The following CNTN3 variants were observed in gnomAD, a reference collection of about 807,000 sequenced individuals.
The protein encoded by CNTN3 is contactin-3.
CNTN3 carries 60 observed loss-of-function variants against 119.1 expected under a neutral mutation model. The observed-to-expected ratio is 0.50, with a 90% confidence interval of 0.41 to 0.62. The LOEUF (loss-of-function observed/expected upper bound fraction) is 0.62. CNTN3 is among the 20% of genes least tolerant of loss of function. CNTN3 has a pLI of 0.00. For synonymous variants in CNTN3, 450 were observed against 438.7 expected (o/e 1.03, Z -0.32); for missense variants, 1,101 against 1,242.4 (o/e 0.89, Z 1.71).
rs188795956 is a variant in CNTN3, at chr3:74,364,732, A to C, written c.1084-136T>G. ...ATTAGACAGGATGGCCTGAAATTTA[A>C]CCTTTTCCTTATTTTAAATGTGAAA... On this transcript the variant is annotated intron_variant, in intron 9 of 22. Coordinates refer to ENST00000263665, the MANE Select transcript of CNTN3 (RefSeq NM_020872.3). 32 of 631,802 alleles carry C rather than the reference A, an allele frequency of 5.1e-5. No individual in the cohort carries two copies. In the African/African-American group the frequency reaches 5.1e-4, roughly 10 times the overall value. The allele number at this position is 631,802 out of a possible 1,614,324, so 39.1% of individuals were successfully genotyped here. A position where few individuals can be genotyped will look rare whatever the true frequency, so the allele number is the denominator to read the frequency against.
intron 1 of CNTN3, among the ~76,000 whole-genome samples, chr3:74,542,059 T>A (rs1234578140): frequency 6.6e-6 from 1 of 151,974 alleles, no homozygotes; most frequent in Non-Finnish European, 1.5e-5. Flanking sequence ...ATAGCAAGAC[T>A]CTGTCTCTGA....
intron 2 of CNTN3, among the ~76,000 whole-genome samples, chr3:74,513,533 G>T (rs1471744042): frequency 2.0e-5 from 3 of 151,868 alleles, no homozygotes; most frequent in South Asian, 2.1e-4. Context: ...CAGTCACAAA[G>T]TTCAGGGAAT....
At chr3:74,559,275 G>C (rs1017234154) in intron 1 of CNTN3, among the ~76,000 whole-genome samples, 2 of 152,104 alleles carry the variant, frequency 1.3e-5, no homozygotes, top group African/African-American at 2.4e-5. Context: ...GCTCCAAAAA[G>C]CTGTGATTCT....
At chr3:74,324,905 C>A (rs747031742) in intron 13 of CNTN3, among the ~76,000 whole-genome samples, 7 of 152,064 alleles carry the variant, frequency 4.6e-5, no homozygotes, top group African/African-American at 7.2e-5. Context: ...GTATATATAT[C>A]GGGAATTTGT....
intron 11 of CNTN3, among the ~76,000 whole-genome samples, chr3:74,356,384 A>C (rs992218864): frequency 2.6e-5 from 4 of 152,054 alleles, no homozygotes; most frequent in Non-Finnish European, 4.4e-5. Context: ...CTTCTCCAAC[A>C]AAAACCCTGG....
At chr3:74,561,930 T>C (rs1032955487) in intron 1 of CNTN3, among the ~76,000 whole-genome samples, 3 of 152,168 alleles carry the variant, frequency 2.0e-5, no homozygotes, top group Admixed American at 1.3e-4. Context: ...TTATTCTTAC[T>C]GACACATATT....
At position 74,317,653 on chromosome 3, in the gene CNTN3, T is replaced by C. The variant is rs559127832; in HGVS notation, c.1669-14846A>G. 8.5e-3 allele frequency among the ~76,000 whole-genome samples: 1,289 copies of C among 152,306 alleles called. 23 individuals carry two copies. The highest frequency in any genetic ancestry group is 0.03 in the African/African-American group (1,239 of 41,552). ...TTGAAAATTCTTTTCTTTAAGAATG[T>C]TGAATATTGGCCCCCACTATCTTCT... is the stretch of plus-strand genomic sequence containing the variant. On this transcript the variant is annotated intron_variant, in intron 13 of 22. Transcript: ENST00000263665.
chr3:74,604,457 T>C (rs1027925350), intron 1 of CNTN3, among the ~76,000 whole-genome samples: 1 of 151,910 alleles, frequency 6.6e-6, no homozygotes, highest in African/African-American at 2.4e-5. Flanking sequence ...CTCAAACAAC[T>C]CCATAGCAAG....
At chr3:74,409,310 T>C (rs1701399467) in intron 5 of CNTN3, among the ~76,000 whole-genome samples, 1 of 152,296 alleles carries the variant, frequency 6.6e-6, no homozygotes, top group Middle Eastern at 3.4e-3. Context: ...GTAAGGTGAA[T>C]GCCTGATCAC....
At chr3:74,370,109 T>C (rs1704300497) in intron 6 of CNTN3, 118 bp from the exon 7 acceptor site, 2 of 570,928 alleles carry the variant, frequency 3.5e-6, no homozygotes, top group South Asian at 5.1e-5. Flanking sequence ...GTGATTTCAA[T>C]TAAATAAAAT....
intron 4 of CNTN3, among the ~76,000 whole-genome samples, chr3:74,475,298 A>T (rs1702634674): frequency 6.6e-6 from 1 of 152,220 alleles, no homozygotes; most frequent in Admixed American, 6.5e-5. Context: ...AACAAAATTA[A>T]ATCAAATGCA....
At chr3:74,366,809 A>ATATATATATATATATATATATATATAT (rs1704206489) in intron 8 of CNTN3, among the ~76,000 whole-genome samples, 1 of 25,460 alleles carries the variant, frequency 3.9e-5, no homozygotes, top group Non-Finnish European at 6.7e-5. Context: ...TATATATATA[A>ATATATATATATATATATATATATATAT]CTTGCTCAGT....
intron 2 of CNTN3, among the ~76,000 whole-genome samples, chr3:74,507,523 C>T (rs1703284351): frequency 6.6e-6 from 1 of 151,934 alleles, no homozygotes; most frequent in East Asian, 1.9e-4. Context: ...ATTACTGCCC[C>T]CACCATAGTA....
At chr3:74,444,289 G>A (rs1274448516) in intron 4 of CNTN3, among the ~76,000 whole-genome samples, 1 of 151,686 alleles carries the variant, frequency 6.6e-6, no homozygotes, top group Non-Finnish European at 1.5e-5. Context: ...TATTGGGGGG[G>A]TTGGGGGCAC....
intron 5 of CNTN3, among the ~76,000 whole-genome samples, chr3:74,381,797 A>C (rs968125021): frequency 6.6e-6 from 1 of 152,224 alleles, no homozygotes; most frequent in Non-Finnish European, 1.5e-5. Flanking sequence ...TTAGCTAAAA[A>C]AAAGCCCTCC....
At chr3:74,495,027 C>A (rs1703035332) in intron 3 of CNTN3, among the ~76,000 whole-genome samples, 1 of 152,022 alleles carries the variant, frequency 6.6e-6, no homozygotes, top group African/African-American at 2.4e-5. Context: ...TTGCCTCAGG[C>A]ACTGTAGATA....
chr3:74,284,151 C>A (rs1230227302), intron 20 of CNTN3, among the ~76,000 whole-genome samples: 1 of 151,946 alleles, frequency 6.6e-6, no homozygotes, highest in African/African-American at 2.4e-5. Flanking sequence ...TTAAGTTAAC[C>A]ATAAAAAATG....
chr3:74,450,166 A>G (rs1702121896), intron 4 of CNTN3, among the ~76,000 whole-genome samples: 1 of 152,160 alleles, frequency 6.6e-6, no homozygotes, highest in Non-Finnish European at 1.5e-5. Flanking sequence ...TTTAGTAGGA[A>G]AGAATTTATA....
chr3:74,411,773 T>C (rs1045826597), intron 5 of CNTN3, among the ~76,000 whole-genome samples: 3 of 152,018 alleles, frequency 2.0e-5, no homozygotes. Context: ...ACCCATCAAT[T>C]AGATAGTCTT....
Sources: allele counts gnomAD v4.1 joint callset (sites outside exome capture counted in the v4.1 genomes callset), GRCh38; gene constraint gnomAD v4.1.1; transcripts MANE v1.5; gene names NCBI Gene and HGNC (gene_info 2026-07-23, HGNC 2026-07-21).